SUFU: variants seen among roughly 807,000 people sequenced by gnomAD.
SUFU encodes the protein suppressor of fused homolog.
A neutral mutation model predicts 58.9 loss-of-function variants in SUFU; 7 were observed. The observed-to-expected ratio is 0.12, with a 90% CI of 0.07 to 0.22. SUFU has a LOEUF of 0.22. Among genes scored for constraint, SUFU ranks in the 10% least tolerant of loss-of-function variants. The pLI is 1.00. For synonymous variants in SUFU, 232 were observed against 254.8 expected (o/e 0.91, Z 0.85); for missense variants, 451 against 641.3 (o/e 0.70, Z 3.20).
At chr10:102,518,523 A>G (rs868141944) in intron 2 of SUFU, among the ~76,000 whole-genome samples, 1 of 148,380 alleles carries the variant, frequency 6.7e-6, no homozygotes, top group Non-Finnish European at 1.5e-5. Context: ...CTGTCTGTCT[A>G]TCTATCTATC....
chr10:102,507,904 C>T (rs1410060894), intron 1 of SUFU, among the ~76,000 whole-genome samples: 1 of 151,518 alleles, frequency 6.6e-6, no homozygotes, highest in African/African-American at 2.4e-5. Context: ...ATGCAGACTT[C>T]CTTCCACTGA....
upstream of SUFU, among the ~76,000 whole-genome samples, chr10:102,502,914 A>G (rs1479396571): frequency 6.6e-6 from 1 of 152,218 alleles, no homozygotes; most frequent in Non-Finnish European, 1.5e-5. Context: ...AAACAGCCAG[A>G]GACACAGGTT....
intron 8 of SUFU, among the ~76,000 whole-genome samples, chr10:102,610,991 A>C (rs1250471371): frequency 6.6e-6 from 1 of 152,192 alleles, no homozygotes; most frequent in Non-Finnish European, 1.5e-5. Context: ...AATAGAAATA[A>C]AATGTCCTGG....
At chr10:102,544,952 C>CT (rs1419438208) in intron 2 of SUFU, among the ~76,000 whole-genome samples, 2 of 152,102 alleles carry the variant, frequency 1.3e-5, no homozygotes, top group Non-Finnish European at 2.9e-5. Flanking sequence ...ATACTTCATT[C>CT]TTTTTTATTT....
At chr10:102,568,950 A>G (rs1286735339) in intron 3 of SUFU, among the ~76,000 whole-genome samples, 3 of 98,376 alleles carry the variant, frequency 3.0e-5, no homozygotes, top group Non-Finnish European at 5.9e-5. Flanking sequence ...ATATATATAT[A>G]TATATATATA....
upstream of SUFU, among the ~76,000 whole-genome samples, chr10:102,503,751 C>T (rs1336234449): frequency 6.6e-6 from 1 of 152,210 alleles, no homozygotes; most frequent in Non-Finnish European, 1.5e-5. Flanking sequence ...CTTAGCACCT[C>T]AGAGGGTGCT....
chr10:102,626,683 A>T (rs2063789497), intron 10 of SUFU, among the ~76,000 whole-genome samples: 1 of 152,136 alleles, frequency 6.6e-6, no homozygotes, highest in Non-Finnish European at 1.5e-5. Context: ...TCTTGGATGT[A>T]CCTTCCAGGG....
At chr10:102,509,465 C>T (rs554656470) in intron 2 of SUFU, among the ~76,000 whole-genome samples, 162 bp downstream of exon 2, 2 of 152,314 alleles carry the variant, frequency 1.3e-5, no homozygotes, top group South Asian at 2.1e-4. Context: ...TCCTCGTTAA[C>T]ACCTGATTCC....
At chr10:102,577,080 C>CTTTTTTTTT (rs10656431) in intron 3 of SUFU, among the ~76,000 whole-genome samples, 2 of 97,084 alleles carry the variant, frequency 2.1e-5, no homozygotes, top group African/African-American at 3.5e-5. Context: ...TGGATTTTTT[C>CTTTTTTTTT]TTTTCTTTTT....
rs1032441274 is a variant in SUFU at position 102,630,999 on chromosome 10, G to A, written c.*844G>A. 21 of 233,368 alleles carry A rather than the reference G, an allele frequency of 9.0e-5. No individual in the cohort carries two copies. Among genetic ancestry groups the A allele is most frequent in the Non-Finnish European group, 1.7e-5 (2 of 118,314 alleles). The allele number at this position is 233,368 out of a possible 1,614,324, so 14.5% of individuals were successfully genotyped here. A position where few individuals can be genotyped will look rare whatever the true frequency, so the allele number is the denominator to read the frequency against. ...GGTGCTACTGTTTTCCAAGTGAATG[G>A]GTCTCAAAGACTTGGTGACCCCAGC... On this transcript the variant is annotated 3_prime_UTR_variant, in exon 12 of 12. Transcript: ENST00000369902.
chr10:102,548,198 G>C (rs2031602), intron 2 of SUFU, among the ~76,000 whole-genome samples: 52,738 of 151,492 alleles, frequency 0.35, 9,345 homozygotes, highest in African/African-American at 0.39. Flanking sequence ...TAGATAGATA[G>C]ATACATACAT....
intron 7 of SUFU, among the ~76,000 whole-genome samples, chr10:102,598,352 G>A (rs887794743): frequency 6.6e-6 from 1 of 151,992 alleles, no homozygotes; most frequent in South Asian, 2.1e-4. Context: ...TCAGGGCTTC[G>A]CTGTGTTGCC....
At chr10:102,579,395 G>C (rs780608129) in intron 3 of SUFU, among the ~76,000 whole-genome samples, 1 of 152,192 alleles carries the variant, frequency 6.6e-6, no homozygotes, top group African/African-American at 2.4e-5. Context: ...GAACCTGCAG[G>C]GTCTCTGGCA....
At chr10:102,590,549 G>A (rs2063388728) in intron 3 of SUFU, among the ~76,000 whole-genome samples, 1 of 151,960 alleles carries the variant, frequency 6.6e-6, no homozygotes, top group South Asian at 2.1e-4. Context: ...AAAGTATATT[G>A]GTCTATAGTT....
intron 10 of SUFU, among the ~76,000 whole-genome samples, chr10:102,620,202 C>G (rs1350470871): frequency 6.6e-6 from 1 of 152,246 alleles, no homozygotes; most frequent in Non-Finnish European, 1.5e-5. Flanking sequence ...TGGAAGCCCT[C>G]ACTCCCAGCC....
At chr10:102,518,504 ACTGT>A (rs201333164) in intron 2 of SUFU, among the ~76,000 whole-genome samples, 95 of 136,898 alleles carry the variant, frequency 6.9e-4, no homozygotes, top group South Asian at 3.2e-3. Flanking sequence ...TATCTATCTA[ACTGT>A]CTGTCTGTCT....
Position 102,504,354 on chromosome 10 carries a change from GAGACGGACAGGCGCGGGC to G in SUFU, c.182+21_182+38del. 6.2e-7 allele frequency: 1 copy of G among 1,613,894 alleles called. No individual in the cohort carries two copies. The highest frequency in any genetic ancestry group is 8.5e-7 in the Non-Finnish European group (1 of 1,179,904). On this transcript the variant is annotated intron_variant, in intron 1 of 11. Transcript: ENST00000369902. ...GTACTGGTATGCTCTGGGCCGCGGGGAGACGGACAGGCGCGGGCTGGAAAGGGTTAAAGCGCCGAGGGC... is the reference window on the plus strand; with the variant it reads ...GTACTGGTATGCTCTGGGCCGCGGGGTGGAAAGGGTTAAAGCGCCGAGGGC...
intron 3 of SUFU, among the ~76,000 whole-genome samples, chr10:102,578,210 C>T (rs1312742544): frequency 4.0e-5 from 6 of 150,338 alleles, no homozygotes; most frequent in African/African-American, 1.5e-4. Flanking sequence ...CGGGATCGCG[C>T]CACTGCACTC....
rs1249684570 is a variant in SUFU, at chr10:102,617,627, C to G, written c.1296+199C>G. On this transcript the variant is annotated intron_variant, in intron 10 of 11. Transcript: ENST00000369902. This position sits in a 1 kb window ranked among gnomAD's most constrained non-coding sequence, Gnocchi z 4.4. ...CCACTCCAGCAGCTTAGGAGCACTT[C>G]CTGACCTTCTCCCCCTGTCACCTGA... is the stretch of plus-strand genomic sequence containing the variant. 6.0e-6 allele frequency: 4 copies of G among 664,030 alleles called. No individual in the cohort carries two copies. In the East Asian group the frequency reaches 1.1e-4, roughly 18 times the overall value. 41.1% of individuals were successfully genotyped at this position (664,030 alleles called of 1,614,324 possible).
Sources: gnomAD v4.1 joint callset for allele counts (sites outside exome capture counted in the v4.1 genomes callset) on GRCh38, gnomAD v4.1.1 for gene constraint, Gnocchi (gnomAD v3.1) non-coding constraint, MANE v1.5 for transcripts, NCBI Gene and HGNC (gene_info 2026-07-23, HGNC 2026-07-21) for gene names.